Variants in ACSM2A observed in about 807,000 individuals in gnomAD.
The protein encoded by ACSM2A is acyl-CoA synthetase medium chain family member 2A.
A neutral mutation model predicts 76.6 loss-of-function variants in ACSM2A; 72 were observed. The ratio of observed to expected loss-of-function variants is 0.94; its 90% CI spans 0.78 to 1.14. ACSM2A has a LOEUF of 1.14. ACSM2A is among the 50% of genes most tolerant of loss of function. The pLI is 0.00. For missense variants in ACSM2A, 684 were observed against 708.5 expected (o/e 0.97, Z 0.39); for synonymous variants, 249 against 255.9 (o/e 0.97, Z 0.26).
chr16:20,486,484 A>C, intron 13 of ACSM2A, 90 bp from the exon 14 acceptor site: 1 of 1,451,350 alleles, frequency 6.9e-7, no homozygotes, highest in African/African-American at 1.4e-5. Flanking sequence ...TCCAGCCTGA[A>C]GAACTTCCCC....
chr16:20,463,587 T>C (rs2012770655), intron 2 of ACSM2A, among the ~76,000 whole-genome samples: 1 of 152,118 alleles, frequency 6.6e-6, no homozygotes, highest in South Asian at 2.1e-4. Flanking sequence ...CCTTCTTCCA[T>C]GGCTGTAATC....
intron 13 of ACSM2A, among the ~76,000 whole-genome samples, chr16:20,485,981 A>G (rs2014364976): frequency 6.6e-6 from 1 of 152,224 alleles, no homozygotes; most frequent in African/African-American, 2.4e-5. Flanking sequence ...AAATAGTGAA[A>G]TTGGAGAGAT....
chr16:20,475,851 G>C (rs1470991331), intron 8 of ACSM2A, 78 bp downstream of exon 8: 59 of 1,596,492 alleles, frequency 3.7e-5, no homozygotes, highest in Non-Finnish European at 4.6e-5. Context: ...AAAATTGTTA[G>C]CCACCATGTA....
chr16:20,471,453 C>T, intron 5 of ACSM2A, 83 bp from the exon 6 acceptor site: 9 of 1,528,588 alleles, frequency 5.9e-6, no homozygotes, highest in African/African-American at 1.4e-5. Context: ...ACACACCTCC[C>T]TTTCCTCCCC....
intron 13 of ACSM2A, among the ~76,000 whole-genome samples, chr16:20,483,504 A>C (rs2014214869): frequency 7.9e-6 from 1 of 126,600 alleles, no homozygotes; most frequent in African/African-American, 2.9e-5. Context: ...TGGGAGGTGG[A>C]GGTTACAGTG....
chr16:20,465,822 C>A, intron 3 of ACSM2A, 95 bp downstream of exon 3: 4 of 1,505,656 alleles, frequency 2.7e-6, no homozygotes, highest in Non-Finnish European at 3.6e-6. Context: ...GAAGTCTCCT[C>A]CTTGGAGCAT....
rs2012955483 is a variant in ACSM2A at position 20,465,746 on chromosome 16, G to T, written c.388+19G>T. On this transcript the variant is annotated intron_variant, in intron 3 of 13. Transcript: ENST00000573854. The stretch of plus-strand genomic sequence containing the variant: ...CGAGCAGGTTGGTAACTGACTACCT[G>T]GACAGAGAACTGTCTTCCTTGTGAA... The T allele has an allele frequency of 3.7e-6, 6 of 1,609,762 alleles. No individual in the cohort carries two copies. The South Asian group carries it at 6.6e-5, about 18-fold the overall frequency.
intron 3 of ACSM2A, among the ~76,000 whole-genome samples, 196 bp from the exon 4 acceptor site, chr16:20,469,316 A>G (rs558950077): frequency 6.6e-6 from 1 of 152,004 alleles, no homozygotes; most frequent in Admixed American, 6.6e-5. Context: ...GGCCCTTAAG[A>G]CTCTGACAAC....
rs761192127 is a variant in ACSM2A, at chr16:20,486,674, A to C, written c.1730A>C (p.Gln577Pro). 6.2e-7 allele frequency: 1 copy of C among 1,614,058 alleles called. No individual in the cohort carries two copies. The highest frequency in any genetic ancestry group is 1.7e-5 in the Admixed American group (1 of 60,012). The change falls in exon 14 of 14, where the codon CAG (glutamine) becomes CCG (proline). Residue 577 changes from glutamine (Q) to proline (P), a missense_variant. This residue lies in a region of ACSM2A where 159 missense variants were observed against 132.5 expected (regional missense o/e 1.20). Coordinates refer to ENST00000573854, the MANE Select transcript of ACSM2A (RefSeq NM_001308172.2). Reference sequence around the variant, plus strand: ...AAGATGTCCGGAAAAGCCCGTGCGCAGTGAGACATCTAAGAGACATTCATT... The same window carrying C: ...AAGATGTCCGGAAAAGCCCGTGCGCCGTGAGACATCTAAGAGACATTCATT... The part of the protein sequence containing the change: ...EWKMSGKARA[Q>P]
intron 9 of ACSM2A, 145 bp downstream of exon 9, chr16:20,477,594 G>A: frequency 7.0e-7 from 1 of 1,421,618 alleles, no homozygotes; most frequent in Non-Finnish European, 9.3e-7. Flanking sequence ...AGGGAGGTTG[G>A]GGGAAGGAAA....
rs901945596 is a variant in ACSM2A, at chr16:20,460,152, T to A, written c.38T>A (p.Leu13Gln). Residue 13 changes from leucine to glutamine, a missense_variant, in exon 2 of 14, where the codon CTG becomes CAG. This residue lies in a region of ACSM2A where 519 missense variants were observed against 549.5 expected (regional missense o/e 0.94). Transcript: ENST00000573854. ...WLRKVQGLCT[L>Q]WGTQMSSRTL... Reference sequence around the variant, plus strand: ...CGAAAAGTTCAGGGACTTTGCACCCTGTGGGGTACTCAGATGTCCAGCCGC... The same window carrying A: ...CGAAAAGTTCAGGGACTTTGCACCCAGTGGGGTACTCAGATGTCCAGCCGC... 6.2e-7 allele frequency: 1 copy of A among 1,612,650 alleles called. No individual in the cohort carries two copies. The highest frequency in any genetic ancestry group is 1.3e-5 in the African/African-American group (1 of 74,844).
intron 2 of ACSM2A, among the ~76,000 whole-genome samples, chr16:20,462,324 CA>C (rs1188012596): frequency 6.6e-6 from 1 of 152,118 alleles, no homozygotes; most frequent in Non-Finnish European, 1.5e-5. Flanking sequence ...ATTAATTTCA[CA>C]AAGGGGTTTA....
chr16:20,471,659 G>A lies in ACSM2A; in HGVS notation c.864G>A (p.Leu288=), dbSNP rs1567367604. Residue 288 remains leucine (L), a synonymous_variant, in exon 6 of 14, where the codon TTG becomes TTA. Transcript: ENST00000573854. ...GAGCATGCACATTTGTTCATCTCTT[G>A]CCAAAGTTTGACCCACTGGTTATTC... ...ALGACTFVHL[L]PKFDPLVILK... 2.5e-6 allele frequency: 4 copies of A among 1,613,812 alleles called. No homozygotes were observed. Among genetic ancestry groups the A allele is most frequent in the African/African-American group, 2.7e-5 (2 of 75,008 alleles).
At position 20,465,437 on chromosome 16, in the gene ACSM2A, T is replaced by G. The variant is rs2012926288; in HGVS notation, c.178-80T>G. On this transcript the variant is annotated intron_variant, in intron 2 of 13. Coordinates refer to ENST00000573854, the MANE Select transcript of ACSM2A (RefSeq NM_001308172.2). ...TAAAAAACCTTACTAAGCACCAACT[T>G]GGCAATCCCAAGACTTGGAATTTAT... 7 of 1,545,842 alleles carry G rather than the reference T, an allele frequency of 4.5e-6. No homozygotes were observed. In the South Asian group the frequency reaches 4.8e-5, roughly 11 times the overall value.
intron 6 of ACSM2A, among the ~76,000 whole-genome samples, chr16:20,472,361 T>G (rs1894601190): frequency 6.6e-6 from 1 of 152,228 alleles, no homozygotes; most frequent in African/African-American, 2.4e-5. Flanking sequence ...CTTACTGCTA[T>G]ATTCTCACAT....
intron 13 of ACSM2A, among the ~76,000 whole-genome samples, chr16:20,485,883 A>G (rs552918401): frequency 2.6e-5 from 4 of 152,358 alleles, no homozygotes; most frequent in South Asian, 2.1e-4. Context: ...GGAAGCCTCA[A>G]TGAGGCATCT....
intron 1 of ACSM2A, among the ~76,000 whole-genome samples, chr16:20,459,643 C>G (rs2012481722): frequency 1.3e-5 from 2 of 152,150 alleles, no homozygotes; most frequent in South Asian, 4.1e-4. Flanking sequence ...CCCAGACACT[C>G]ACATCTCGTT....
intron 10 of ACSM2A, among the ~76,000 whole-genome samples, chr16:20,479,641 C>G (rs1394303888): frequency 1.3e-5 from 2 of 152,226 alleles, no homozygotes; most frequent in Admixed American, 1.3e-4. Flanking sequence ...AGGGCAGAGC[C>G]ACACTGTCCC....
chr16:20,472,960 G>A (rs1219368583), intron 6 of ACSM2A, among the ~76,000 whole-genome samples: 1 of 152,120 alleles, frequency 6.6e-6, no homozygotes, highest in African/African-American at 2.4e-5. Flanking sequence ...ATTTTTTCCT[G>A]TAGAACTTGA....
Sources: allele counts gnomAD v4.1 joint callset (sites outside exome capture counted in the v4.1 genomes callset), GRCh38; gene constraint gnomAD v4.1.1; regional missense constraint gnomAD v4.1.1; transcripts MANE v1.5; gene names NCBI Gene and HGNC (gene_info 2026-07-23, HGNC 2026-07-21).